The following OSBPL3 variants were observed in gnomAD, a reference collection of about 807,000 sequenced individuals.
OSBPL3 encodes oxysterol binding protein like 3, also known as oxysterol-binding protein-related protein 3.
Under a neutral mutation model 120.1 loss-of-function variants are expected in OSBPL3, and 65 were observed. The observed-to-expected ratio is 0.54, with a 90% CI of 0.44 to 0.67. The LOEUF (loss-of-function observed/expected upper bound fraction) is 0.67. Among genes scored for constraint, OSBPL3 ranks in the 30% least tolerant of loss-of-function variants. The pLI is 0.00. For missense variants in OSBPL3, 1,004 were observed against 1,082.1 expected (o/e 0.93, Z 1.01); for synonymous variants, 416 against 402.6 (o/e 1.03, Z -0.40).
chr7:24,939,136 G>A lies in OSBPL3; in HGVS notation c.-150+40750C>T, dbSNP rs1263380804. ...GTATCCCAGGAAATGCAGTATTTAAGAGAAAGAAAGAGAAAAGATAAATGA... is the reference window on the plus strand; with the variant it reads ...GTATCCCAGGAAATGCAGTATTTAAAAGAAAGAAAGAGAAAAGATAAATGA... On this transcript the variant is annotated intron_variant, in intron 1 of 22. Transcript: ENST00000313367. The surrounding 1 kb of genome is among the most constrained non-coding windows in gnomAD (Gnocchi z 4.2). Among the ~76,000 whole-genome samples, 1 of 152,116 alleles carries A rather than the reference G, an allele frequency of 6.6e-6. No individual in the cohort carries two copies. The highest frequency in any genetic ancestry group is 1.5e-5 in the Non-Finnish European group (1 of 68,018).
chr7:24,976,682 G>A (rs1305043568), intron 1 of OSBPL3, among the ~76,000 whole-genome samples: 2 of 152,162 alleles, frequency 1.3e-5, no homozygotes, highest in South Asian at 2.1e-4. Flanking sequence ...ATCTTCCCTG[G>A]TATCCTACAC....
Position 24,821,411 on chromosome 7 carries a change from C to G in OSBPL3, c.1885-1173G>C, listed in dbSNP as rs1301293699. ...TATCAAGAACCCAGAATACTGAGCC[C>G]TTGCTTGAGATAAACAGGTGGGGAG... On this transcript the variant is annotated intron_variant, in intron 16 of 22. Transcript: ENST00000313367. The surrounding 1 kb of genome is among the most constrained non-coding windows in gnomAD (Gnocchi z 5.5). 6.6e-6 allele frequency among the ~76,000 whole-genome samples: 1 copy of G among 152,156 alleles called. No individual in the cohort carries two copies. The highest frequency in any genetic ancestry group is 1.5e-5 in the Non-Finnish European group (1 of 68,022).
Position 24,938,834 on chromosome 7 carries a change from T to TGTGTGTGTGTGTGTGTG in OSBPL3, c.-150+41051_-150+41052insCACACACACACACACAC, listed in dbSNP as rs1584680519. 1.4e-5 allele frequency among the ~76,000 whole-genome samples: 2 copies of TGTGTGTGTGTGTGTGTG among 142,966 alleles called. No homozygotes were observed. The highest frequency in any genetic ancestry group is 5.1e-5 in the African/African-American group (2 of 38,838). The allele number at this position is 142,966 out of a possible 152,430, so 93.8% of individuals were successfully genotyped here. ...GTGTGTGTGTGTGTGTGTGTGTGTG[T>TGTGTGTGTGTGTGTGTG]TTTGAGAGCAAAACTAATGTGGCCA... On this transcript the variant is annotated intron_variant, in intron 1 of 22. Transcript: ENST00000313367. The surrounding 1 kb of genome is among the most constrained non-coding windows in gnomAD (Gnocchi z 5.8).
In OSBPL3 at chr7:24,802,192, C is replaced by G. The variant is rs1229826694; in HGVS notation, c.2568-1913G>C. ...GTCAATCTGTGTATCAGACAGTTCA[C>G]TATTTTAAAACAAAGAGGCTCAATT... On this transcript the variant is annotated intron_variant, in intron 22 of 22. Transcript: ENST00000313367. The surrounding 1 kb of genome is among the most constrained non-coding windows in gnomAD (Gnocchi z 4.1). 6.6e-6 allele frequency among the ~76,000 whole-genome samples: 1 copy of G among 152,168 alleles called. No homozygotes were observed. Among genetic ancestry groups the G allele is most frequent in the Non-Finnish European group, 1.5e-5 (1 of 68,018 alleles).
At chr7:24,979,437 G>C (rs947162246) in intron 1 of OSBPL3, among the ~76,000 whole-genome samples, 1 of 152,048 alleles carries the variant, frequency 6.6e-6, no homozygotes, top group Non-Finnish European at 1.5e-5. Flanking sequence ...CCTGCCCCGC[G>C]AGCGTTGTCT....
At chr7:24,850,221 CT>C (rs1042525008) in intron 11 of OSBPL3, among the ~76,000 whole-genome samples, 3 of 152,112 alleles carry the variant, frequency 2.0e-5, no homozygotes, top group Non-Finnish European at 2.9e-5. Context: ...GGGATCATTC[CT>C]TATCTCAACC....
chr7:24,800,926 G>A (rs1195779081), intron 22 of OSBPL3, among the ~76,000 whole-genome samples: 3 of 150,914 alleles, frequency 2.0e-5, no homozygotes, highest in Admixed American at 1.3e-4. Context: ...TTGTACATAG[G>A]AAGTGGTTAA....
At position 24,865,941 on chromosome 7, in the gene OSBPL3, A is replaced by T; in HGVS notation, c.549+129T>A. 1.3e-5 allele frequency: 9 copies of T among 695,864 alleles called. 1 individual carries two copies. In the South Asian group the frequency reaches 1.6e-4, roughly 13 times the overall value. The allele number at this position is 695,864 out of a possible 1,614,324, so 43.1% of individuals were successfully genotyped here. ...ACTCAGTGGGCAAACAGACTAATTA[A>T]ATACCAGCCCAAGCCTACCCTGCTT... On this transcript the variant is annotated intron_variant, in intron 6 of 22. Coordinates refer to ENST00000313367, the MANE Select transcript of OSBPL3 (RefSeq NM_015550.4).
chr7:24,852,449 C>CCT lies in OSBPL3; in HGVS notation c.1158+54_1158+55insAG. On this transcript the variant is annotated intron_variant, in intron 11 of 22. Transcript: ENST00000313367. The surrounding 1 kb of genome is among the most constrained non-coding windows in gnomAD (Gnocchi z 4.1). ...AATCATGGAAATAGAAATTACAAAC[C>CCT]ATTCATGAGCCTGGACACATCTCAG... 7.4e-7 allele frequency: 1 copy of CCT among 1,354,528 alleles called. No individual in the cohort carries two copies. Among genetic ancestry groups the CCT allele is most frequent in the Non-Finnish European group, 9.7e-7 (1 of 1,035,502 alleles). The allele number at this position is 1,354,528 out of a possible 1,614,324, so 83.9% of individuals were successfully genotyped here. A position where few individuals can be genotyped will look rare whatever the true frequency, so the allele number is the denominator to read the frequency against.
intron 18 of OSBPL3, 91 bp downstream of exon 18, chr7:24,816,519 C>T: frequency 1.3e-6 from 1 of 798,008 alleles, no homozygotes; most frequent in Admixed American, 1.9e-5. Flanking sequence ...CTCAATGCAA[C>T]TGCCGGGGGC....
rs951198101 is a variant in OSBPL3, at chr7:24,821,471, T to C, written c.1885-1233A>G. 2.0e-5 allele frequency among the ~76,000 whole-genome samples: 3 copies of C among 152,138 alleles called. No individual in the cohort carries two copies. Among genetic ancestry groups the C allele is most frequent in the African/African-American group, 7.2e-5 (3 of 41,438 alleles). On this transcript the variant is annotated intron_variant, in intron 16 of 22. Coordinates refer to ENST00000313367, the MANE Select transcript of OSBPL3 (RefSeq NM_015550.4). This position sits in a 1 kb window ranked among gnomAD's most constrained non-coding sequence, Gnocchi z 5.5. Reference sequence around the variant, plus strand: ...GCAGTGGGTGACAAATCCACAGCTGTTCACCTTCCTTGGGACCCTCAGCTG... The same window carrying C: ...GCAGTGGGTGACAAATCCACAGCTGCTCACCTTCCTTGGGACCCTCAGCTG...
chr7:24,886,555 TAGA>T (rs1804554672), intron 2 of OSBPL3, among the ~76,000 whole-genome samples: 1 of 152,218 alleles, frequency 6.6e-6, no homozygotes, highest in Admixed American at 6.5e-5. Flanking sequence ...CCTGCCCCAA[TAGA>T]AGGATATTTG....
At chr7:24,926,576 G>A (rs1409685296) in intron 1 of OSBPL3, among the ~76,000 whole-genome samples, 8 of 152,152 alleles carry the variant, frequency 5.3e-5, no homozygotes, top group Non-Finnish European at 1.0e-4. Context: ...GTTCTCTACA[G>A]ACTATCTCCA....
intron 1 of OSBPL3, among the ~76,000 whole-genome samples, chr7:24,904,960 T>TGTGTGTGTGA (rs746412039): frequency 6.9e-6 from 1 of 145,968 alleles, no homozygotes; most frequent in African/African-American, 2.6e-5. Flanking sequence ...TGTGTGTGTG[T>TGTGTGTGTGA]GAATAAAGTT....
chr7:24,961,501 G>C lies in OSBPL3; in HGVS notation c.-150+18385C>G, dbSNP rs115697691. Among the ~76,000 whole-genome samples, 83 of 152,208 alleles carry C rather than the reference G, an allele frequency of 5.5e-4. 4 individuals are homozygous for C. Among genetic ancestry groups the C allele is most frequent in the South Asian group, 1.7e-3 (8 of 4,810 alleles). ...GCCTTTGAGAGGTGATTTAAGAATG[G>C]AGCCCTCCTGTATGGCATTAGCGCT... On this transcript the variant is annotated intron_variant, in intron 1 of 22. Coordinates refer to ENST00000313367, the MANE Select transcript of OSBPL3 (RefSeq NM_015550.4).
In OSBPL3 at chr7:24,930,662, C is replaced by A. The variant is rs1811680856; in HGVS notation, c.-149-38041G>T. On this transcript the variant is annotated intron_variant, in intron 1 of 22. Coordinates refer to ENST00000313367, the MANE Select transcript of OSBPL3 (RefSeq NM_015550.4). The surrounding 1 kb of genome is among the most constrained non-coding windows in gnomAD (Gnocchi z 4.4). ...TTGGTCATTAACCTTTCCAGGTTAA[C>A]CTCTTAAAAAATTTAATGAAAGTTA... Among the ~76,000 whole-genome samples, 1 of 152,118 alleles carries A rather than the reference C, an allele frequency of 6.6e-6. No homozygotes were observed. The highest frequency in any genetic ancestry group is 2.1e-4 in the South Asian group (1 of 4,834).
chr7:24,853,728 ACT>A (rs1799465468), intron 10 of OSBPL3, among the ~76,000 whole-genome samples: 1 of 152,188 alleles, frequency 6.6e-6, no homozygotes, highest in South Asian at 2.1e-4. Flanking sequence ...TATGAATTCT[ACT>A]CTCAAATGGT....
At chr7:24,864,668 A>G (rs1362853320) in intron 7 of OSBPL3, among the ~76,000 whole-genome samples, 1 of 152,242 alleles carries the variant, frequency 6.6e-6, no homozygotes. Context: ...AATCTTTTAA[A>G]TTATATATGC....
rs568512510 is a variant in OSBPL3 at position 24,881,619 on chromosome 7, A to G, written c.97-9550T>C. Among the ~76,000 whole-genome samples the G allele has an allele frequency of 2.0e-4, 31 of 152,372 alleles. No individual in the cohort carries two copies. Among genetic ancestry groups the G allele is most frequent in the African/African-American group, 6.5e-4 (27 of 41,594 alleles). On this transcript the variant is annotated intron_variant, in intron 2 of 22. Coordinates refer to ENST00000313367, the MANE Select transcript of OSBPL3 (RefSeq NM_015550.4). This position sits in a 1 kb window ranked among gnomAD's most constrained non-coding sequence, Gnocchi z 4.3. Reference sequence around the variant, plus strand: ...GGCATAATCTCCAAAGCCTAGATCCACATGAGCTGGGACTCCCAGAAAAAA... The same window carrying G: ...GGCATAATCTCCAAAGCCTAGATCCGCATGAGCTGGGACTCCCAGAAAAAA...
Sources: gnomAD v4.1 joint callset for allele counts (sites outside exome capture counted in the v4.1 genomes callset) on GRCh38, gnomAD v4.1.1 for gene constraint, Gnocchi (gnomAD v3.1) non-coding constraint, MANE v1.5 for transcripts, NCBI Gene and HGNC (gene_info 2026-07-23, HGNC 2026-07-21) for gene names.